EXOC3L4: variants seen among roughly 807,000 people sequenced by gnomAD.
The protein encoded by EXOC3L4 is exocyst complex component 3-like protein 4.
A neutral mutation model predicts 69.7 loss-of-function variants in EXOC3L4; 62 were observed. The observed-to-expected ratio is 0.89, with a 90% confidence interval of 0.72 to 1.10. EXOC3L4 has a LOEUF of 1.10. Among genes scored for constraint, EXOC3L4 ranks in the 50% least tolerant of loss-of-function variants. EXOC3L4 has a pLI of 0.00. For missense variants in EXOC3L4, 1,087 were observed against 1,034.8 expected (o/e 1.05, Z -0.69); for synonymous variants, 502 against 464.2 (o/e 1.08, Z -1.05).
chr14:103,106,528 C>T (rs1382599502), intron 7 of EXOC3L4, among the ~76,000 whole-genome samples: 1 of 152,200 alleles, frequency 6.6e-6, no homozygotes, highest in South Asian at 2.1e-4. Flanking sequence ...CACTGTTTAT[C>T]ACCAAGAGGG....
intron 3 of EXOC3L4, 39 bp from the exon 4 acceptor site, chr14:103,103,902 G>A: frequency 6.9e-7 from 1 of 1,448,684 alleles, no homozygotes. Context: ...TGCCGCATCA[G>A]AGCCGCTCCC....
Position 103,103,787 on chromosome 14 carries a change from G to GGC in EXOC3L4, c.1050-144_1050-143dup, listed in dbSNP as rs142839498. The GGC allele has an allele frequency of 6.0e-3, 2,887 of 481,210 alleles. 19 individuals are homozygous for GGC. Among genetic ancestry groups the GGC allele is most frequent in the African/African-American group, 0.023 (1,005 of 44,346 alleles). The allele number at this position is 481,210 out of a possible 1,614,324, so 29.8% of individuals were successfully genotyped here. ...AGGGGGTGTGGCATGGCAGCCTAGA[G>GGC]GCGCGCGCGCGTGTGTGTGTGTGTG... On this transcript the variant is annotated intron_variant, in intron 3 of 11. Transcript: ENST00000688303.
In EXOC3L4 at chr14:103,108,521, T is replaced by C; in HGVS notation, c.1976+4T>C. 6.2e-7 allele frequency: 1 copy of C among 1,612,660 alleles called. No homozygotes were observed. The highest frequency in any genetic ancestry group is 8.5e-7 in the Non-Finnish European group (1 of 1,179,114). On this transcript the variant is annotated splice_donor_region_variant and intron_variant, in intron 11 of 11. Coordinates refer to ENST00000688303, the MANE Select transcript of EXOC3L4 (RefSeq NM_001077594.2). ...TCCGGAGCTACCCCGACATCAGGTG[T>C]GTACCCCACCTGCTTCCACTAGCTT...
intron 7 of EXOC3L4, among the ~76,000 whole-genome samples, chr14:103,106,041 G>T (rs1890530487): frequency 6.6e-6 from 1 of 152,230 alleles, no homozygotes; most frequent in African/African-American, 2.4e-5. Flanking sequence ...TTGGCTCTTT[G>T]TGAGCACTTC....
Position 103,106,887 on chromosome 14 carries a change from G to C in EXOC3L4, c.1569G>C (p.Gln523His). Residue 523 changes from glutamine to histidine, a missense_variant, in exon 8 of 12, where the codon CAG (glutamine) becomes CAC (histidine). Coordinates refer to ENST00000688303, the MANE Select transcript of EXOC3L4 (RefSeq NM_001077594.2). ...AGAAGCACTTGCTTCAGGGCTTGCA[G>C]CGTGAGTTGCAGGTGACTGTGATAG... ...SFQKHLLQGL[Q>H]RELQPLFRVV... 2.6e-6 allele frequency: 4 copies of C among 1,568,126 alleles called. No individual in the cohort carries two copies. Among genetic ancestry groups the C allele is most frequent in the Non-Finnish European group, 3.5e-6 (4 of 1,154,778 alleles).
At position 103,104,990 on chromosome 14, in the gene EXOC3L4, A is replaced by G. The variant is rs1481097151; in HGVS notation, c.1386-2A>G. ...CCAAAGGCTCTGTGTATCCCGCCCC[A>G]GGTTTGAAAAGGCTTTTCTGGCGTC... On this transcript the variant is annotated splice_acceptor_variant, in intron 6 of 11. Coordinates refer to ENST00000688303, the MANE Select transcript of EXOC3L4 (RefSeq NM_001077594.2). LOFTEE classifies it high-confidence loss of function. The G allele has an allele frequency of 6.2e-7, 1 of 1,612,002 alleles. No homozygotes were observed. Among genetic ancestry groups the G allele is most frequent in the Non-Finnish European group, 8.5e-7 (1 of 1,178,502 alleles).
Position 103,104,265 on chromosome 14 carries a change from A to AG in EXOC3L4, c.1162dup. 1.3e-6 allele frequency: 2 copies of AG among 1,584,674 alleles called. No homozygotes were observed. Among genetic ancestry groups the AG allele is most frequent in the Non-Finnish European group, 1.7e-6 (2 of 1,167,244 alleles). ...ACCACGGCCCATCCCTTCTCCCCCCAGGCCAAGATCGCAAGCTGCTTCGAC... is the reference window on the plus strand; with the variant it reads ...ACCACGGCCCATCCCTTCTCCCCCCAGGGCCAAGATCGCAAGCTGCTTCGAC... On this transcript the variant is annotated splice_acceptor_variant, in intron 4 of 11. Transcript: ENST00000688303. LOFTEE classifies it high-confidence loss of function.
At chr14:103,101,652 T>C (rs1271468234) in intron 2 of EXOC3L4, among the ~76,000 whole-genome samples, 1 of 151,670 alleles carries the variant, frequency 6.6e-6, no homozygotes, top group African/African-American at 2.4e-5. Context: ...GAGGATACAC[T>C]GGGGTGGGAA....
At chr14:103,104,528 A>T in intron 5 of EXOC3L4, 139 bp downstream of exon 5, 1 of 1,356,416 alleles carries the variant, frequency 7.4e-7, no homozygotes, top group South Asian at 1.7e-5. Flanking sequence ...CGCGGGGGGA[A>T]ATCGGGGACC....
chr14:103,099,331 C>T (rs914583569), intron 1 of EXOC3L4, among the ~76,000 whole-genome samples: 3 of 152,190 alleles, frequency 2.0e-5, no homozygotes, highest in Non-Finnish European at 4.4e-5. Context: ...TGGCAGGCCA[C>T]GGTGCCGAGG....
intron 5 of EXOC3L4, 57 bp from the exon 6 acceptor site, chr14:103,104,681 C>A (rs1031690885): frequency 2.2e-6 from 3 of 1,390,756 alleles, no homozygotes; most frequent in African/African-American, 1.5e-5. Context: ...TACCAGGGGA[C>A]CCGCGGCCTC....
Position 103,104,683 on chromosome 14 carries a change from C to T in EXOC3L4, c.1285-55C>T, listed in dbSNP as rs1050340673. 10 of 1,393,998 alleles carry T rather than the reference C, an allele frequency of 7.2e-6. No individual in the cohort carries two copies. The African/African-American group carries it at 9.0e-5, about 13-fold the overall frequency. 86.4% of individuals were successfully genotyped at this position (1,393,998 alleles called of 1,614,324 possible). A position where few individuals can be genotyped will look rare whatever the true frequency, so the allele number is the denominator to read the frequency against. Reference sequence around the variant, plus strand: ...GCGCAGCGGGGGCTACCAGGGGACCCGCGGCCTCAGGTCGGGGGCTGGGAG... The same window carrying T: ...GCGCAGCGGGGGCTACCAGGGGACCTGCGGCCTCAGGTCGGGGGCTGGGAG... On this transcript the variant is annotated intron_variant, in intron 5 of 11. Transcript: ENST00000688303.
Position 103,110,459 on chromosome 14 carries a change from T to G in EXOC3L4, c.*236T>G. On this transcript the variant is annotated 3_prime_UTR_variant, in exon 12 of 12. Coordinates refer to ENST00000688303, the MANE Select transcript of EXOC3L4 (RefSeq NM_001077594.2). ...GGGCCGCAGAGCTCTCAATGCTGCC[T>G]ATCGGGCGGGGGGGGGCCTCCCGCC... 3.4e-6 allele frequency: 2 copies of G among 584,452 alleles called. No individual in the cohort carries two copies. The highest frequency in any genetic ancestry group is 2.5e-5 in the Admixed American group (1 of 39,494). 36.2% of individuals were successfully genotyped at this position (584,452 alleles called of 1,614,324 possible). A position where few individuals can be genotyped will look rare whatever the true frequency, so the allele number is the denominator to read the frequency against.
Position 103,100,265 on chromosome 14 carries a change from C to A in EXOC3L4, c.46C>A (p.Pro16Thr), listed in dbSNP as rs1489790868. 3 of 1,578,406 alleles carry A rather than the reference C, an allele frequency of 1.9e-6. No individual in the cohort carries two copies. The highest frequency in any genetic ancestry group is 3.7e-5 in the Admixed American group (2 of 54,350). Residue 16 changes from proline to threonine, a missense_variant, in exon 2 of 12, where the codon CCC (proline) becomes ACC (threonine). Coordinates refer to ENST00000688303, the MANE Select transcript of EXOC3L4 (RefSeq NM_001077594.2). ...CACTCCTGGGCCGGAGCTGCAGAGT[C>A]CCAAGGAGGCTGAGGAGCCACAGAC... ...TDTPGPELQSPKEAEEPQTPA... is the reference protein window; with the variant it reads ...TDTPGPELQSTKEAEEPQTPA...
intron 3 of EXOC3L4, among the ~76,000 whole-genome samples, chr14:103,103,181 C>T (rs1485129200): frequency 6.6e-6 from 1 of 151,980 alleles, no homozygotes; most frequent in Non-Finnish European, 1.5e-5. Context: ...CTGGCCAACA[C>T]GGTGAAACCC....
intron 11 of EXOC3L4, 39 bp downstream of exon 11, chr14:103,108,556 G>T: frequency 1.9e-6 from 3 of 1,602,742 alleles, no homozygotes; most frequent in South Asian, 1.1e-5. Context: ...TCCTACCAGA[G>T]CTTCAGGGCC....
chr14:103,095,203 T>C (rs1300383742), intron 1 of EXOC3L4, among the ~76,000 whole-genome samples: 2 of 152,198 alleles, frequency 1.3e-5, no homozygotes, highest in Non-Finnish European at 2.9e-5. Flanking sequence ...GAAAAGTGTG[T>C]ATATGCCCGC....
chr14:103,106,261 G>A (rs1179200299), intron 7 of EXOC3L4, among the ~76,000 whole-genome samples: 4 of 152,228 alleles, frequency 2.6e-5, no homozygotes, highest in Non-Finnish European at 5.9e-5. Flanking sequence ...CAACACTCTC[G>A]TCCTTAATCT....
chr14:103,096,008 A>G (rs1467898644), intron 1 of EXOC3L4, among the ~76,000 whole-genome samples: 1 of 152,044 alleles, frequency 6.6e-6, no homozygotes, highest in Non-Finnish European at 1.5e-5. Flanking sequence ...CATTTTCCTT[A>G]TTTGCAGGGG....
Sources: allele counts gnomAD v4.1 joint callset (sites outside exome capture counted in the v4.1 genomes callset), GRCh38; gene constraint gnomAD v4.1.1; transcripts MANE v1.5; gene names NCBI Gene and HGNC (gene_info 2026-07-23, HGNC 2026-07-21).